Variants in SNX9 observed in about 807,000 individuals in gnomAD.
The protein encoded by SNX9 is sorting nexin 9.
In SNX9, 44 loss-of-function variants were observed where a neutral mutation model predicts 89.4. That is an observed-to-expected ratio of 0.49 (90% CI 0.39 to 0.63). The LOEUF is 0.63. SNX9 is among the 30% of genes least tolerant of loss of function. The probability of loss-of-function intolerance (pLI) is 0.00; values close to 1 mark genes in which losing one functional copy is unlikely to be tolerated. For synonymous variants in SNX9, 236 were observed against 247.8 expected, an observed-to-expected ratio of 0.95 and a Z score of 0.45; for missense variants, 578 against 736.1, an observed-to-expected ratio of 0.79 and a Z score of 2.49.
intron 1 of SNX9, among the ~76,000 whole-genome samples, chr6:157,851,657 T>A (rs1781914891): frequency 6.6e-6 from 1 of 152,188 alleles, no homozygotes; most frequent in African/African-American, 2.4e-5. Context: ...TGGTGCCATC[T>A]TGGCTCACTG....
rs532359075 is a variant in SNX9, at chr6:157,916,780, G to A, written c.950-4751G>A. ...TACATGCCTGGAATAAACCTCACTC[G>A]ATGGTGATAGATTATTCTTATATAT... On this transcript the variant is annotated intron_variant, in intron 9 of 17. Coordinates refer to ENST00000392185, the MANE Select transcript of SNX9 (RefSeq NM_016224.5). Among the ~76,000 whole-genome samples the A allele has an allele frequency of 1.4e-4, 21 of 152,298 alleles. No individual in the cohort carries two copies. The East Asian group carries it at 4.0e-3, about 29-fold the overall frequency.
At chr6:157,907,438 C>T (rs1446964442) in intron 7 of SNX9, among the ~76,000 whole-genome samples, 10 of 152,092 alleles carry the variant, frequency 6.6e-5, no homozygotes, top group Non-Finnish European at 1.2e-4. Context: ...TGCACCACCA[C>T]GCCTAGCTAA....
chr6:157,846,464 C>T (rs983687210), intron 1 of SNX9, among the ~76,000 whole-genome samples: 2 of 152,254 alleles, frequency 1.3e-5, no homozygotes, highest in African/African-American at 4.8e-5. Context: ...AAAGCAGAGA[C>T]CCATATTCCT....
chr6:157,932,349 G>A lies in SNX9; in HGVS notation c.1366+77G>A, dbSNP rs866643296. The A allele has an allele frequency of 5.9e-5, 77 of 1,310,768 alleles. No individual in the cohort carries two copies. In the Admixed American group the frequency reaches 1.1e-3, roughly 19 times the overall value. 81.2% of individuals were successfully genotyped at this position (1,310,768 alleles called of 1,614,324 possible). A position where few individuals can be genotyped will look rare whatever the true frequency, so the allele number is the denominator to read the frequency against. On this transcript the variant is annotated intron_variant, in intron 13 of 17. Coordinates refer to ENST00000392185, the MANE Select transcript of SNX9 (RefSeq NM_016224.5). Reference sequence around the variant, plus strand: ...GTCACCTGCTTAGGATCCTGCAGACGCTAACTCCCTCCTCAGTGAAGCACC... The same window carrying A: ...GTCACCTGCTTAGGATCCTGCAGACACTAACTCCCTCCTCAGTGAAGCACC...
chr6:157,912,083 C>T (rs1056106604), intron 9 of SNX9, among the ~76,000 whole-genome samples: 3 of 152,176 alleles, frequency 2.0e-5, no homozygotes, highest in African/African-American at 7.2e-5. Context: ...GTACCTCAAC[C>T]CGGTTCAGAC....
chr6:157,918,358 C>G (rs1196109239), intron 9 of SNX9, among the ~76,000 whole-genome samples: 1 of 152,014 alleles, frequency 6.6e-6, no homozygotes, highest in African/African-American at 2.4e-5. Flanking sequence ...GAGGTGTCCC[C>G]CATTGTCTCT....
At chr6:157,940,308 T>C (rs1427556690) in intron 16 of SNX9, among the ~76,000 whole-genome samples, 1 of 152,264 alleles carries the variant, frequency 6.6e-6, no homozygotes, top group African/African-American at 2.4e-5. Flanking sequence ...TCTGTTAGAG[T>C]AATAGGCTGC....
chr6:157,877,725 C>T (rs1782547814), intron 4 of SNX9, among the ~76,000 whole-genome samples: 1 of 152,132 alleles, frequency 6.6e-6, no homozygotes, highest in African/African-American at 2.4e-5. Flanking sequence ...CTGGGCCTCT[C>T]TCCTGTCCAT....
intron 1 of SNX9, among the ~76,000 whole-genome samples, chr6:157,839,278 A>G (rs906318374): frequency 6.6e-6 from 1 of 152,234 alleles, no homozygotes; most frequent in African/African-American, 2.4e-5. Context: ...GCTGTTACAT[A>G]AAAGCCTATT....
intron 1 of SNX9, among the ~76,000 whole-genome samples, chr6:157,864,081 T>G (rs1782201384): frequency 6.6e-6 from 1 of 152,200 alleles, no homozygotes; most frequent in South Asian, 2.1e-4. Flanking sequence ...AAGAACAGAA[T>G]TTATTCCTCA....
At chr6:157,854,142 T>C (rs1781965381) in intron 1 of SNX9, among the ~76,000 whole-genome samples, 1 of 152,236 alleles carries the variant, frequency 6.6e-6, no homozygotes, top group Non-Finnish European at 1.5e-5. Context: ...CTGCCAGTTG[T>C]CTCTGGGGTT....
intron 2 of SNX9, among the ~76,000 whole-genome samples, chr6:157,870,611 C>T (rs1782384046): frequency 6.7e-6 from 1 of 148,602 alleles, no homozygotes; most frequent in African/African-American, 2.5e-5. Context: ...CTCAGACACT[C>T]TCACCTGCCC....
intron 5 of SNX9, among the ~76,000 whole-genome samples, chr6:157,901,397 T>C (rs1380349405): frequency 6.6e-6 from 1 of 152,226 alleles, no homozygotes; most frequent in African/African-American, 2.4e-5. Context: ...GGTGTAATAC[T>C]CAAAAAAACA....
intron 1 of SNX9, among the ~76,000 whole-genome samples, chr6:157,862,850 G>C (rs1782170840): frequency 2.0e-5 from 3 of 151,996 alleles, no homozygotes; most frequent in Admixed American, 2.0e-4. Context: ...TCTTTGGTTT[G>C]GGGTTATTGG....
At chr6:157,901,404 A>C (rs1006958562) in intron 5 of SNX9, among the ~76,000 whole-genome samples, 4 of 152,206 alleles carry the variant, frequency 2.6e-5, no homozygotes, top group Non-Finnish European at 4.4e-5. Flanking sequence ...TACTCAAAAA[A>C]ACATTTGCCA....
At chr6:157,925,909 A>C (rs762578392) in intron 10 of SNX9, among the ~76,000 whole-genome samples, 34 of 152,188 alleles carry the variant, frequency 2.2e-4, no homozygotes, top group Non-Finnish European at 3.5e-4. Context: ...AGGCACCAGC[A>C]TTTGCTGTCT....
At chr6:157,886,360 T>G (rs2115152583) in intron 4 of SNX9, among the ~76,000 whole-genome samples, 1 of 152,356 alleles carries the variant, frequency 6.6e-6, no homozygotes, top group Non-Finnish European at 1.5e-5. Context: ...TTAGCATTAT[T>G]ACTGTCTTTA....
intron 1 of SNX9, among the ~76,000 whole-genome samples, chr6:157,862,496 A>T (rs1018056654): frequency 6.6e-6 from 1 of 152,192 alleles, no homozygotes; most frequent in Non-Finnish European, 1.5e-5. Context: ...GAAGATTTAC[A>T]TATTTTATTT....
chr6:157,911,506 G>A (rs1410591072), intron 9 of SNX9, among the ~76,000 whole-genome samples: 2 of 152,214 alleles, frequency 1.3e-5, no homozygotes, highest in Non-Finnish European at 2.9e-5. Flanking sequence ...CGTGGAGTTT[G>A]TCCCACGTGT....
Sources: gnomAD v4.1 joint callset for allele counts (sites outside exome capture counted in the v4.1 genomes callset) on GRCh38, gnomAD v4.1.1 for gene constraint, MANE v1.5 for transcripts, NCBI Gene and HGNC (gene_info 2026-07-23, HGNC 2026-07-21) for gene names.